Variants in WWP1 observed in about 807,000 individuals in gnomAD.
The protein encoded by WWP1 is NEDD4-like E3 ubiquitin-protein ligase WWP1.
A neutral mutation model predicts 130.6 loss-of-function variants in WWP1; 49 were observed. That is an observed-to-expected ratio of 0.38 (90% CI 0.30 to 0.48). WWP1 has a LOEUF of 0.48. Among genes scored for constraint, WWP1 ranks in the 20% least tolerant of loss-of-function variants. The pLI, the probability that WWP1 is intolerant of heterozygous loss-of-function variation, is 0.99. For synonymous variants in WWP1, 332 were observed against 367.8 expected, an observed-to-expected ratio of 0.90 and a Z score of 1.11; for missense variants, 809 against 1,100.6, an observed-to-expected ratio of 0.74 and a Z score of 3.75.
In WWP1 at chr8:86,467,019, T is replaced by C. The variant is rs1310898205; in HGVS notation, c.*126T>C. ...TTTCCGAACCTCTCAAAGTATGTTT[T>C]CCGTTCTTCCACAGAAATATGCAAA... On this transcript the variant is annotated 3_prime_UTR_variant, in exon 25 of 25. Transcript: ENST00000517970. The C allele has an allele frequency of 7.3e-6, 5 of 682,762 alleles. No individual in the cohort carries two copies. Among genetic ancestry groups the C allele is most frequent in the Non-Finnish European group, 1.3e-5 (5 of 398,962 alleles). 42.3% of individuals were successfully genotyped at this position (682,762 alleles called of 1,614,324 possible). A position where few individuals can be genotyped will look rare whatever the true frequency, so the allele number is the denominator to read the frequency against.
At chr8:86,374,192 T>C in intron 3 of WWP1, 72 bp downstream of exon 3, 2 of 1,242,946 alleles carry the variant, frequency 1.6e-6, no homozygotes, top group Non-Finnish European at 2.3e-6. Flanking sequence ...TTCAGCAGAC[T>C]TATTCCAGAA....
intron 1 of WWP1, among the ~76,000 whole-genome samples, chr8:86,353,064 G>A (rs1823035843): frequency 6.6e-6 from 1 of 152,164 alleles, no homozygotes; most frequent in Non-Finnish European, 1.5e-5. Flanking sequence ...GTCAAATTTG[G>A]AATTTGGTCT....
At chr8:86,412,947 G>A (rs1028885228) in intron 9 of WWP1, among the ~76,000 whole-genome samples, 107 of 152,046 alleles carry the variant, frequency 7.0e-4, no homozygotes, top group African/African-American at 2.4e-3. Context: ...TGCTGCCTTA[G>A]CCTCCCAAGT....
At chr8:86,433,059 C>T (rs1358665797) in intron 14 of WWP1, among the ~76,000 whole-genome samples, 2 of 152,150 alleles carry the variant, frequency 1.3e-5, no homozygotes, top group African/African-American at 4.8e-5. Context: ...CATTGTTAAT[C>T]CAGGCGTTGG....
chr8:86,374,593 T>C (rs370305437), intron 3 of WWP1, among the ~76,000 whole-genome samples: 23 of 152,166 alleles, frequency 1.5e-4, no homozygotes, highest in African/African-American at 5.6e-4. Flanking sequence ...AAATAAAAAA[T>C]ATTTTAACAT....
rs747601081 is a variant in WWP1 at position 86,408,654 on chromosome 8, G to T, written c.725-2884G>T. Among the ~76,000 whole-genome samples the T allele has an allele frequency of 2.6e-5, 4 of 152,170 alleles. 1 individual carries two copies. The South Asian group carries it at 6.2e-4, about 24-fold the overall frequency. ...TCACGCTGGTTGTGCAGTGGCTTAC[G>T]CCTGTAATCCCAGCATTTTGGGAGG... On this transcript the variant is annotated intron_variant, in intron 8 of 24. Transcript: ENST00000517970.
At chr8:86,363,957 C>G (rs1823819045) in intron 1 of WWP1, among the ~76,000 whole-genome samples, 1 of 152,084 alleles carries the variant, frequency 6.6e-6, no homozygotes, top group African/African-American at 2.4e-5. Context: ...GTTAGTTTTG[C>G]TTTGGGTATG....
intron 9 of WWP1, among the ~76,000 whole-genome samples, chr8:86,424,183 G>C (rs1786310896): frequency 6.6e-6 from 1 of 151,610 alleles, no homozygotes; most frequent in South Asian, 2.1e-4. Context: ...CGGCTCGGCA[G>C]AGGCGCTCCT....
chr8:86,351,800 G>C (rs541288000), intron 1 of WWP1, among the ~76,000 whole-genome samples: 118 of 152,096 alleles, frequency 7.8e-4, no homozygotes, highest in Non-Finnish European at 1.4e-3. Context: ...TTGTCAAAGC[G>C]CAATCCTTAT....
chr8:86,422,574 T>C (rs1326167515), intron 9 of WWP1, among the ~76,000 whole-genome samples: 1 of 151,744 alleles, frequency 6.6e-6, no homozygotes, highest in Non-Finnish European at 1.5e-5. Context: ...GGTTTCTCCA[T>C]GTTGGTCAGG....
At chr8:86,418,178 C>T (rs534062426) in intron 9 of WWP1, among the ~76,000 whole-genome samples, 5 of 152,224 alleles carry the variant, frequency 3.3e-5, no homozygotes, top group African/African-American at 9.6e-5. Context: ...ATTTAATCGA[C>T]AAATATTTAT....
At chr8:86,409,778 T>A (rs996639872) in intron 8 of WWP1, among the ~76,000 whole-genome samples, 1 of 151,946 alleles carries the variant, frequency 6.6e-6, no homozygotes, top group Non-Finnish European at 1.5e-5. Flanking sequence ...GAGAACCGTT[T>A]GAACCCGGGA....
At chr8:86,387,262 T>A (rs1321634907) in intron 5 of WWP1, among the ~76,000 whole-genome samples, 10 of 152,144 alleles carry the variant, frequency 6.6e-5, no homozygotes, top group African/African-American at 2.2e-4. Context: ...TAGGCATTTA[T>A]CTTTTATTGG....
chr8:86,418,607 G>C (rs2130606158), intron 9 of WWP1, among the ~76,000 whole-genome samples: 1 of 152,292 alleles, frequency 6.6e-6, no homozygotes, highest in East Asian at 1.9e-4. Flanking sequence ...TGGTAGTGAA[G>C]ATGACACTGT....
chr8:86,388,997 G>A (rs900967553), intron 5 of WWP1, among the ~76,000 whole-genome samples: 2 of 152,114 alleles, frequency 1.3e-5, no homozygotes, highest in African/African-American at 4.8e-5. Context: ...CCAAGAAGTT[G>A]CATATTTTAC....
intron 1 of WWP1, among the ~76,000 whole-genome samples, chr8:86,364,519 T>C (rs1321433415): frequency 6.6e-6 from 1 of 152,114 alleles, no homozygotes; most frequent in East Asian, 1.9e-4. Flanking sequence ...GTGTAATTGT[T>C]TGAGAGGAAT....
chr8:86,381,768 G>A, intron 5 of WWP1, 139 bp downstream of exon 5: 1 of 870,368 alleles, frequency 1.1e-6, no homozygotes, highest in South Asian at 2.8e-5. Context: ...TTAACTTTGT[G>A]GCATTTTATG....
intron 1 of WWP1, among the ~76,000 whole-genome samples, chr8:86,367,636 T>C (rs1824045006): frequency 6.6e-6 from 1 of 152,238 alleles, no homozygotes. Flanking sequence ...AGCTTAGATA[T>C]TACTGACCAT....
chr8:86,418,687 G>A (rs979690251), intron 9 of WWP1, among the ~76,000 whole-genome samples: 1 of 152,176 alleles, frequency 6.6e-6, no homozygotes, highest in Non-Finnish European at 1.5e-5. Flanking sequence ...GCTCTGCCTA[G>A]GGGTTTTCTC....
Sources: gnomAD v4.1 joint callset for allele counts (sites outside exome capture counted in the v4.1 genomes callset) on GRCh38, gnomAD v4.1.1 for gene constraint, MANE v1.5 for transcripts, NCBI Gene and HGNC (gene_info 2026-07-23, HGNC 2026-07-21) for gene names.